The following MYT1 variants were observed in gnomAD, a reference collection of about 807,000 sequenced individuals.
MYT1 encodes myelin transcription factor 1.
A neutral mutation model predicts 123.0 loss-of-function variants in MYT1; 23 were observed. That is an observed-to-expected ratio of 0.19 (90% confidence interval 0.13 to 0.26). The LOEUF (loss-of-function observed/expected upper bound fraction) is 0.26, where lower values mean the gene tolerates loss of function less well. Among genes scored for constraint, MYT1 ranks in the 10% least tolerant of loss-of-function variants. The pLI is 1.00. For missense variants in MYT1, 1,125 were observed against 1,472.5 expected, an observed-to-expected ratio of 0.76 and a Z score of 3.86; for synonymous variants, 518 against 575.3, an observed-to-expected ratio of 0.90 and a Z score of 1.43.
intron 6 of MYT1, 130 bp from the exon 7 acceptor site, chr20:64,207,464 T>A: frequency 6.8e-7 from 1 of 1,479,798 alleles, no homozygotes. Context: ...GAGTTTCATG[T>A]TTCCCCTTGG....
At position 64,207,867 on chromosome 20, in the gene MYT1, T is replaced by A; in HGVS notation, c.671T>A (p.Val224Asp). ...LFIQPEDAEEVVEVTTERSQD... is the reference protein window; with the variant it reads ...LFIQPEDAEEDVEVTTERSQD... ...ATCCAGCCAGAGGATGCCGAGGAGG[T>A]CGTCGAAGTCACCACCGAGCGCTCC... The change falls in exon 7 of 23, where the codon GTC (valine) becomes GAC (aspartate). Residue 224 changes from valine to aspartate, a missense_variant. Around this residue, in one of 4 missense-constraint regions of MYT1, gnomAD observed 406 missense variants for 432.2 expected, o/e 0.94. Coordinates refer to ENST00000328439, the MANE Select transcript of MYT1 (RefSeq NM_004535.3). The A allele has an allele frequency of 6.2e-7, 1 of 1,608,802 alleles. No homozygotes were observed. The highest frequency in any genetic ancestry group is 1.1e-5 in the South Asian group (1 of 90,686).
At chr20:64,180,656 G>A (rs1048372283) in intron 1 of MYT1, among the ~76,000 whole-genome samples, 2 of 152,224 alleles carry the variant, frequency 1.3e-5, no homozygotes, top group African/African-American at 4.8e-5. Flanking sequence ...TGTGGGCCAG[G>A]ACAATCCAAG....
Position 64,237,343 on chromosome 20 carries a change from G to C in MYT1, c.3046G>C (p.Glu1016Gln). The change falls in exon 21 of 23, where the codon GAG (glutamate) becomes CAG (glutamine). Residue 1016 changes from glutamate (E) to glutamine (Q), a missense_variant. Transcript: ENST00000328439. Reference protein sequence around the residue: ...QLNQEIRDLNESNSEMEAAMV... With the variant: ...QLNQEIRDLNQSNSEMEAAMV... ...GAACCAGGAGATCCGAGACCTGAAC[G>C]AGTCCAACTCGGAGATGGAGGCTGC... 1 of 1,610,594 alleles carries C rather than the reference G, an allele frequency of 6.2e-7. No individual in the cohort carries two copies. Among genetic ancestry groups the C allele is most frequent in the Non-Finnish European group, 8.5e-7 (1 of 1,179,162 alleles).
Position 64,167,325 on chromosome 20 carries a change from G to A in MYT1, c.-99+2586G>A, listed in dbSNP as rs997631532. Among the ~76,000 whole-genome samples the A allele has an allele frequency of 2.0e-5, 3 of 152,304 alleles. No homozygotes were observed. The highest frequency in any genetic ancestry group is 3.4e-3 in the Middle Eastern group (1 of 294). The stretch of plus-strand genomic sequence containing the variant: ...TGGACGGACTCAGTGCAAAAGGTGC[G>A]TCTACTTTGGAAAAGACTGAGCAAG... On this transcript the variant is annotated intron_variant, in intron 1 of 22. Coordinates refer to ENST00000328439, the MANE Select transcript of MYT1 (RefSeq NM_004535.3). This position sits in a 1 kb window ranked among gnomAD's most constrained non-coding sequence, Gnocchi z 6.3.
In MYT1 at chr20:64,240,406, C is replaced by G; in HGVS notation, c.3324C>G (p.Leu1108=). 1 of 1,613,906 alleles carries G rather than the reference C, an allele frequency of 6.2e-7. No individual in the cohort carries two copies. The highest frequency in any genetic ancestry group is 1.7e-4 in the Middle Eastern group (1 of 5,998). ...YSNQDPENKD[L]LESIKQAVRG... ...ACCAGGACCCGGAGAACAAGGACCT[C>G]CTGGAGAGCATCAAGCAGGCTGTGA... Residue 1108 remains leucine, a synonymous_variant, in exon 23 of 23, where the codon CTC becomes CTG. Coordinates refer to ENST00000328439, the MANE Select transcript of MYT1 (RefSeq NM_004535.3).
At position 64,205,721 on chromosome 20, in the gene MYT1, T is replaced by A. The variant is rs1983469975; in HGVS notation, c.318T>A (p.Asp106Glu). The change falls in exon 6 of 23, where the codon GAT becomes GAA. Residue 106 changes from aspartate to glutamate, a missense_variant. Coordinates refer to ENST00000328439, the MANE Select transcript of MYT1 (RefSeq NM_004535.3). ...DTEVKDASVSDESEGTLEGAE... is the reference protein window; with the variant it reads ...DTEVKDASVSEESEGTLEGAE... ...AGGTGAAGGACGCCTCTGTTTCGGA[T>A]GAATCGGAAGGAACTCTGGAGGGGG... 1 of 1,614,040 alleles carries A rather than the reference T, an allele frequency of 6.2e-7. No homozygotes were observed.
At chr20:64,236,308 A>ATGGCCGCGGTGGGTGACCCTGGGC (rs1984540183) in intron 19 of MYT1, among the ~76,000 whole-genome samples, 11 of 75,574 alleles carry the variant, frequency 1.5e-4, no homozygotes, top group Non-Finnish European at 1.8e-4. Context: ...TGACCCTGGG[A>ATGGCCGCGGTGGGTGACCCTGGGC]TGGCCGCGGT....
rs118188372 is a variant in MYT1 at position 64,197,715 on chromosome 20, C to T, written c.1-1147C>T. ...CTGCCCAGATTTGTCATGAGTGACA[C>T]AGGACAAGGATGCTGTGTGTGACCC... is the stretch of plus-strand genomic sequence containing the variant. On this transcript the variant is annotated intron_variant, in intron 2 of 22. Coordinates refer to ENST00000328439, the MANE Select transcript of MYT1 (RefSeq NM_004535.3). Among the ~76,000 whole-genome samples, 880 of 152,370 alleles carry T rather than the reference C, an allele frequency of 5.8e-3. 2 individuals are homozygous for T. The highest frequency in any genetic ancestry group is 0.017 in the Middle Eastern group (5 of 294).
chr20:64,213,364 C>A lies in MYT1; in HGVS notation c.1518-170C>A, dbSNP rs917506845. 6.6e-6 allele frequency among the ~76,000 whole-genome samples: 1 copy of A among 152,130 alleles called. No individual in the cohort carries two copies. The highest frequency in any genetic ancestry group is 2.4e-5 in the African/African-American group (1 of 41,420). On this transcript the variant is annotated intron_variant, in intron 9 of 22. Transcript: ENST00000328439. This position sits in a 1 kb window ranked among gnomAD's most constrained non-coding sequence, Gnocchi z 5.6. ...TCAAGAACAGAGCCAGAGAGAAAACCCCTGTCCTGCAGAATGACAGGGTTA... is the reference window on the plus strand; with the variant it reads ...TCAAGAACAGAGCCAGAGAGAAAACACCTGTCCTGCAGAATGACAGGGTTA...
intron 1 of MYT1, among the ~76,000 whole-genome samples, chr20:64,184,306 G>A (rs981543719): frequency 4.6e-5 from 7 of 151,838 alleles, no homozygotes; most frequent in Non-Finnish European, 1.0e-4. Context: ...GATCCAGTGC[G>A]AGCTAATTTT....
chr20:64,224,690 G>A (rs1984116391), intron 16 of MYT1, among the ~76,000 whole-genome samples: 2 of 152,212 alleles, frequency 1.3e-5, no homozygotes, highest in Non-Finnish European at 2.9e-5. Context: ...TTCTGGGACT[G>A]TCCTCTCTCC....
At chr20:64,188,797 C>T (rs1982885633) in intron 1 of MYT1, among the ~76,000 whole-genome samples, 1 of 152,214 alleles carries the variant, frequency 6.6e-6, no homozygotes, top group Non-Finnish European at 1.5e-5. Context: ...CCGCAGCTCC[C>T]TCCTCACTAG....
At chr20:64,169,797 C>T (rs1019827861) in intron 1 of MYT1, among the ~76,000 whole-genome samples, 1 of 152,184 alleles carries the variant, frequency 6.6e-6, no homozygotes, top group African/African-American at 2.4e-5. Context: ...CAGAGAAACA[C>T]GTTTGACGCT....
rs145829001 is a variant in MYT1, at chr20:64,218,720, G to A, written c.1847-191G>A. The stretch of plus-strand genomic sequence containing the variant: ...GCCCCTGGCCCACTTCGATATAGCT[G>A]TGCCCTGGGCCCTCCCATCCCTCCC... On this transcript the variant is annotated intron_variant, in intron 11 of 22. Coordinates refer to ENST00000328439, the MANE Select transcript of MYT1 (RefSeq NM_004535.3). This position sits in a 1 kb window ranked among gnomAD's most constrained non-coding sequence, Gnocchi z 4.0. 2,589 of 738,148 alleles carry A rather than the reference G, an allele frequency of 3.5e-3. 21 individuals carry two copies. The highest frequency in any genetic ancestry group is 0.028 in the Middle Eastern group (81 of 2,880). 45.7% of individuals were successfully genotyped at this position (738,148 alleles called of 1,614,324 possible).
At chr20:64,209,613 G>A (rs1012422507) in intron 7 of MYT1, among the ~76,000 whole-genome samples, 1 of 152,308 alleles carries the variant, frequency 6.6e-6, no homozygotes. Flanking sequence ...AACTGGGATG[G>A]GAGATGACTC....
intron 1 of MYT1, among the ~76,000 whole-genome samples, chr20:64,171,884 A>G (rs1220983971): frequency 6.8e-6 from 1 of 146,644 alleles, no homozygotes; most frequent in African/African-American, 2.5e-5. Flanking sequence ...CCCAAACCCT[A>G]ACCCCCTACA....
In MYT1 at chr20:64,192,909, T is replaced by C. The variant is rs188672182; in HGVS notation, c.-1+2749T>C. Among the ~76,000 whole-genome samples, 1 of 152,330 alleles carries C rather than the reference T, an allele frequency of 6.6e-6. No homozygotes were observed. The highest frequency in any genetic ancestry group is 1.9e-4 in the East Asian group (1 of 5,182). ...TAAATTCCATTTATGCTGGAGTTTT[T>C]AACAGACGGTTGCAGATATGGCTGC... On this transcript the variant is annotated intron_variant, in intron 2 of 22. Coordinates refer to ENST00000328439, the MANE Select transcript of MYT1 (RefSeq NM_004535.3). This position sits in a 1 kb window ranked among gnomAD's most constrained non-coding sequence, Gnocchi z 5.3.
At chr20:64,169,444 T>C (rs1014923653) in intron 1 of MYT1, among the ~76,000 whole-genome samples, 2 of 152,212 alleles carry the variant, frequency 1.3e-5, no homozygotes, top group African/African-American at 4.8e-5. Flanking sequence ...TCCTGCTCTG[T>C]GGGCAGCCAA....
chr20:64,227,602 A>G (rs34184798), intron 17 of MYT1, 125 bp downstream of exon 17: 123 of 937,118 alleles, frequency 1.3e-4, no homozygotes, highest in South Asian at 6.4e-4. Context: ...TTTAATCTGA[A>G]TTGTTGCCAT....
Sources: allele counts gnomAD v4.1 joint callset (sites outside exome capture counted in the v4.1 genomes callset), GRCh38; gene constraint gnomAD v4.1.1; regional missense constraint gnomAD v4.1.1; non-coding constraint Gnocchi (gnomAD v3.1); transcripts MANE v1.5; gene names NCBI Gene and HGNC (gene_info 2026-07-23, HGNC 2026-07-21).